The following GATA3 variants were observed in gnomAD, a reference collection of about 807,000 sequenced individuals.
GATA3 encodes trans-acting T-cell-specific transcription factor GATA-3.
A neutral mutation model predicts 36.0 loss-of-function variants in GATA3; 6 were observed. The ratio of observed to expected loss-of-function variants is 0.17; its 90% CI spans 0.09 to 0.33. The LOEUF is 0.33. Ranked by LOEUF, GATA3 falls within the 10% of genes least tolerant of loss-of-function variation. The probability of loss-of-function intolerance (pLI) is 1.00; values close to 1 mark genes in which losing one functional copy is unlikely to be tolerated. For synonymous variants in GATA3, 326 were observed against 273.0 expected (o/e 1.19, Z -1.92); for missense variants, 514 against 610.1 (o/e 0.84, Z 1.66).
At chr10:8,060,607 G>GT (rs1351677487) in intron 3 of GATA3, among the ~76,000 whole-genome samples, 1 of 151,936 alleles carries the variant, frequency 6.6e-6, no homozygotes, top group African/African-American at 2.4e-5. Context: ...TGAGGCCGGC[G>GT]TAGTGGTTTG....
intron 2 of GATA3, 137 bp from the exon 3 acceptor site, chr10:8,058,168 A>T (rs76602649): frequency 3.4e-6 from 3 of 886,956 alleles, no homozygotes; most frequent in Non-Finnish European, 5.3e-6. Flanking sequence ...CGCCAGGATG[A>T]GAGAGTGGGC....
chr10:8,055,606 CCG>C lies in GATA3; in HGVS notation c.-43_-42del, dbSNP rs957886259. The C allele has an allele frequency of 6.4e-5, 99 of 1,535,578 alleles. No homozygotes were observed. Among genetic ancestry groups the C allele is most frequent in the Non-Finnish European group, 8.2e-5 (94 of 1,144,622 alleles). On this transcript the variant is annotated 5_prime_UTR_variant, in exon 2 of 6. Transcript: ENST00000379328. The surrounding 1 kb of genome is among the most constrained non-coding windows in gnomAD (Gnocchi z 5.4). Reference sequence around the variant, plus strand: ...CTCCCAGGCGGACCGCCCTCCCTCCCCGCGCGCGGGTTCCGGGCCCGGCGAGA... The same window carrying C: ...CTCCCAGGCGGACCGCCCTCCCTCCCCGCGCGGGTTCCGGGCCCGGCGAGA...
chr10:8,067,576 T>C (rs1299033988), intron 4 of GATA3, among the ~76,000 whole-genome samples: 1 of 152,146 alleles, frequency 6.6e-6, no homozygotes, highest in Admixed American at 6.5e-5. Flanking sequence ...CCCAGCACTT[T>C]GGGAGGCCAA....
At chr10:8,047,850 G>A (rs1390542225) in intron 1 of GATA3, among the ~76,000 whole-genome samples, 1 of 152,182 alleles carries the variant, frequency 6.6e-6, no homozygotes, top group Non-Finnish European at 1.5e-5. Flanking sequence ...AAGGGAGGCC[G>A]GGAGAAGGGT....
upstream of GATA3, chr10:8,051,372 C>T: frequency 3.5e-6 from 1 of 282,832 alleles, no homozygotes; most frequent in South Asian, 3.2e-5. Flanking sequence ...CGGGCCCCGG[C>T]TCCTCTCTAG....
At chr10:8,058,906 C>A in intron 3 of GATA3, 65 bp downstream of exon 3, 1 of 1,509,306 alleles carries the variant, frequency 6.6e-7, no homozygotes, top group South Asian at 1.1e-5. Context: ...AATCCAGGGC[C>A]GCACCCAGAG....
chr10:8,053,616 A>C (rs527368443), upstream of GATA3: 3 of 150,608 alleles, frequency 2.0e-5, no homozygotes, highest in Non-Finnish European at 3.0e-5. This position sits in a 1 kb window ranked among gnomAD's most constrained non-coding sequence, Gnocchi z 5.1. Context: ...GGCGCCTCGG[A>C]GCCGCGTGCC....
At chr10:8,066,442 CTTTCTTTCTT>C (rs1832843916) in intron 4 of GATA3, among the ~76,000 whole-genome samples, 3 of 147,546 alleles carry the variant, frequency 2.0e-5, no homozygotes, top group Non-Finnish European at 1.5e-5. Flanking sequence ...TTCTTTCTTT[CTTTCTTTCTT>C]TTTTTTTTTT....
chr10:8,056,293 A>G (rs1022348216), intron 2 of GATA3, among the ~76,000 whole-genome samples: 3 of 151,828 alleles, frequency 2.0e-5, no homozygotes, highest in Non-Finnish European at 4.4e-5. Context: ...CCGGACAAGC[A>G]CGGCTGGAAC....
In GATA3 at chr10:8,058,786, C is replaced by G. The variant is rs1299566005; in HGVS notation, c.723C>G (p.Gly241=). 6.2e-7 allele frequency: 1 copy of G among 1,608,854 alleles called. No homozygotes were observed. Among genetic ancestry groups the G allele is most frequent in the African/African-American group, 1.3e-5 (1 of 74,874 alleles). Residue 241 remains glycine, a synonymous_variant, in exon 3 of 6, where the codon GGC becomes GGG. Transcript: ENST00000379328. ...SGLFPPSSLL[G]GSPTGFGCKS... ...TCTTCCCCCCCAGCAGCCTGCTGGGCGGCTCCCCCACCGGCTTCGGATGCA... is the reference window on the plus strand; with the variant it reads ...TCTTCCCCCCCAGCAGCCTGCTGGGGGGCTCCCCCACCGGCTTCGGATGCA...
At position 8,074,071 on chromosome 10, in the gene GATA3, C is replaced by T. The variant is rs1480783168; in HGVS notation, c.*48C>T. The T allele has an allele frequency of 6.3e-7, 1 of 1,592,958 alleles. No homozygotes were observed. Among genetic ancestry groups the T allele is most frequent in the South Asian group, 1.1e-5 (1 of 89,464 alleles). On this transcript the variant is annotated 3_prime_UTR_variant, in exon 6 of 6. Coordinates refer to ENST00000379328, the MANE Select transcript of GATA3 (RefSeq NM_001002295.2). ...GCCCCCAGCGAGAGTCCCTGCAGTC[C>T]CTTTCGACTTGCATTTTTGCAGGAG...
intron 2 of GATA3, among the ~76,000 whole-genome samples, chr10:8,058,020 C>A (rs1334720272): frequency 6.6e-6 from 1 of 152,188 alleles, no homozygotes; most frequent in Non-Finnish European, 1.5e-5. Flanking sequence ...CCTTCTCCCC[C>A]TCTGCAGCAA....
At chr10:8,053,547 C>T (rs1482915187), upstream of GATA3, 1 of 152,208 alleles carries the variant, frequency 6.6e-6, no homozygotes, top group African/African-American at 2.4e-5. The surrounding 1 kb of genome is among the most constrained non-coding windows in gnomAD (Gnocchi z 5.1). Context: ...CGGCCACAGC[C>T]TCGCCCGCTG....
chr10:8,046,769 G>A (rs1369941167), intron 1 of GATA3, among the ~76,000 whole-genome samples: 6 of 151,954 alleles, frequency 3.9e-5, no homozygotes, highest in African/African-American at 1.2e-4. Flanking sequence ...CAGTCGGGGC[G>A]TGGTGTCAGT....
rs1211413464 is a variant in GATA3, at chr10:8,069,546, C to A, written c.998C>A (p.Ala333Asp). 6.2e-7 allele frequency: 1 copy of A among 1,614,038 alleles called. No homozygotes were observed. Among genetic ancestry groups the A allele is most frequent in the South Asian group, 1.1e-5 (1 of 91,076 alleles). Residue 333 changes from alanine (A) to aspartate (D), a missense_variant, in exon 5 of 6, where the codon GCC becomes GAC. Coordinates refer to ENST00000379328, the MANE Select transcript of GATA3 (RefSeq NM_001002295.2). ...ACAACCACACTCTGGAGGAGGAATG[C>A]CAATGGGGACCCTGTCTGCAATGCC... ...TTTTTLWRRN[A>D]NGDPVCNACG...
At chr10:8,056,995 C>CA (rs1407662700) in intron 2 of GATA3, among the ~76,000 whole-genome samples, 1 of 152,224 alleles carries the variant, frequency 6.6e-6, no homozygotes, top group Non-Finnish European at 1.5e-5. Flanking sequence ...GCCCCTCCGG[C>CA]AGCAGGCGTC....
intron 3 of GATA3, among the ~76,000 whole-genome samples, chr10:8,063,190 G>A (rs1043649071): frequency 1.3e-5 from 2 of 152,088 alleles, no homozygotes; most frequent in African/African-American, 4.8e-5. Context: ...CCTCTGATCG[G>A]CTTCACTCTG....
At chr10:8,051,749 A>AT (rs1411822945), upstream of GATA3, 5 of 145,024 alleles carry the variant, frequency 3.4e-5, no homozygotes, top group Non-Finnish European at 6.1e-5. Flanking sequence ...CCCGGCCAGG[A>AT]TCCCCCTTTC....
At chr10:8,060,980 G>A (rs1832738041) in intron 3 of GATA3, among the ~76,000 whole-genome samples, 1 of 152,138 alleles carries the variant, frequency 6.6e-6, no homozygotes, top group African/African-American at 2.4e-5. Context: ...GGAGTGTGGA[G>A]GGGAAGTTTC....
Sources: allele counts gnomAD v4.1 joint callset (sites outside exome capture counted in the v4.1 genomes callset), GRCh38; gene constraint gnomAD v4.1.1; non-coding constraint Gnocchi (gnomAD v3.1); transcripts MANE v1.5; gene names NCBI Gene and HGNC (gene_info 2026-07-23, HGNC 2026-07-21).